ARHGEF38: variants seen among roughly 807,000 people sequenced by gnomAD.
ARHGEF38 encodes Rho guanine nucleotide exchange factor (GEF) 38.
A neutral mutation model predicts 79.9 loss-of-function variants in ARHGEF38; 79 were observed. The ratio of observed to expected loss-of-function variants is 0.99; its 90% CI spans 0.82 to 1.19. The LOEUF is 1.19. Among genes scored for constraint, ARHGEF38 ranks in the 50% most tolerant of loss-of-function variants. ARHGEF38 has a pLI of 0.00. For missense variants in ARHGEF38, 962 were observed against 907.2 expected, an observed-to-expected ratio of 1.06 and a Z score of -0.78; for synonymous variants, 366 against 328.3, an observed-to-expected ratio of 1.11 and a Z score of -1.24.
rs1340810311 is a variant in ARHGEF38, at chr4:105,648,789, G to C, written c.1008+107G>C. ...CTATTTCTAGAATACTGAGAATCAA[G>C]GTAATTGCCCTATGCTGTTCTCTTG... On this transcript the variant is annotated intron_variant, in intron 7 of 13. Coordinates refer to ENST00000420470, the MANE Select transcript of ARHGEF38 (RefSeq NM_001242729.2). 14 of 1,104,442 alleles carry C rather than the reference G, an allele frequency of 1.3e-5. No individual in the cohort carries two copies. In the South Asian group the frequency reaches 2.2e-4, roughly 17 times the overall value. The allele number at this position is 1,104,442 out of a possible 1,614,324, so 68.4% of individuals were successfully genotyped here. A position where few individuals can be genotyped will look rare whatever the true frequency, so the allele number is the denominator to read the frequency against.
chr4:105,667,461 T>TA lies in ARHGEF38; in HGVS notation c.1907dup (p.Tyr636Ter). Residue 636 changes from tyrosine (Y) to a stop codon, truncating the protein, a stop_gained and frameshift_variant, in exon 13 of 14, where the codon TAT (tyrosine) becomes TAAT (stop). Coordinates refer to ENST00000420470, the MANE Select transcript of ARHGEF38 (RefSeq NM_001242729.2). LOFTEE classifies it high-confidence loss of function. ...CTATCCAGATGTGAAAGGATATGTT[T>TA]ATTCCTCCTTCCTAAAACCCTACAA... ...VDTGNVKGYV[Y>*]SSFLKPYNPA... 1 of 1,536,228 alleles carries TA rather than the reference T, an allele frequency of 6.5e-7. No individual in the cohort carries two copies. The highest frequency in any genetic ancestry group is 8.7e-7 in the Non-Finnish European group (1 of 1,146,934).
At chr4:105,675,718 T>C (rs1037376132) in intron 13 of ARHGEF38, among the ~76,000 whole-genome samples, 1 of 152,200 alleles carries the variant, frequency 6.6e-6, no homozygotes, top group Non-Finnish European at 1.5e-5. Flanking sequence ...CTCACAGTTG[T>C]GGAGGCTGGA....
At chr4:105,655,794 T>G in intron 9 of ARHGEF38, 72 bp downstream of exon 9, 1 of 1,447,702 alleles carries the variant, frequency 6.9e-7, no homozygotes, top group Non-Finnish European at 9.2e-7. Flanking sequence ...TTTTTGTTTG[T>G]TTTTCTGGAG....
rs184006132 is a variant in ARHGEF38, at chr4:105,586,471, T to C, written c.197-2777T>C. ...TTCTCAACAAGTTGTTGAGCAGTAT[T>C]GGAAAACCTAAGCATTTTTTAATTG... On this transcript the variant is annotated intron_variant, in intron 1 of 13. Transcript: ENST00000420470. Among the ~76,000 whole-genome samples the C allele has an allele frequency of 5.5e-4, 83 of 152,292 alleles. No individual in the cohort carries two copies. The East Asian group carries it at 0.013, about 24-fold the overall frequency.
Position 105,680,404 on chromosome 4 carries a change from C to T in ARHGEF38, c.*2467C>T. ...TATTTATTGAGAGTTAGTGGGAATA[C>T]AATGCTGTGCAAGACAAACAAGATC... is the stretch of plus-strand genomic sequence containing the variant. On this transcript the variant is annotated 3_prime_UTR_variant, in exon 14 of 14. Transcript: ENST00000420470. 1.5e-5 allele frequency: 3 copies of T among 199,748 alleles called. No homozygotes were observed. In the South Asian group the frequency reaches 3.1e-4, roughly 21 times the overall value. The allele number at this position is 199,748 out of a possible 1,614,324, so 12.4% of individuals were successfully genotyped here.
chr4:105,595,212 C>G (rs1490587070), intron 2 of ARHGEF38, among the ~76,000 whole-genome samples: 1 of 152,128 alleles, frequency 6.6e-6, no homozygotes, highest in Non-Finnish European at 1.5e-5. Context: ...CATCTTTTTA[C>G]CCATCCAATG....
At chr4:105,635,803 TA>T (rs1464813719) in intron 4 of ARHGEF38, among the ~76,000 whole-genome samples, 1 of 152,046 alleles carries the variant, frequency 6.6e-6, no homozygotes, top group Non-Finnish European at 1.5e-5. Context: ...CTGCTGATTT[TA>T]AAAAAATTAT....
At chr4:105,620,499 C>T (rs1056436350) in intron 3 of ARHGEF38, among the ~76,000 whole-genome samples, 29 of 152,188 alleles carry the variant, frequency 1.9e-4, no homozygotes, top group Middle Eastern at 3.4e-3. Context: ...ATTATTATCC[C>T]AAGAATATTA....
intron 3 of ARHGEF38, among the ~76,000 whole-genome samples, chr4:105,623,877 C>T (rs1215096043): frequency 6.6e-6 from 1 of 152,134 alleles, no homozygotes; most frequent in Non-Finnish European, 1.5e-5. Flanking sequence ...CCCAGTTTGT[C>T]CTGCTCAGCT....
At chr4:105,637,914 T>C (rs2110528151) in intron 5 of ARHGEF38, among the ~76,000 whole-genome samples, 1 of 152,262 alleles carries the variant, frequency 6.6e-6, no homozygotes, top group African/African-American at 2.4e-5. Context: ...CTGCTCCCTC[T>C]AGACTATTCT....
intron 1 of ARHGEF38, among the ~76,000 whole-genome samples, chr4:105,562,177 A>G (rs1316298379): frequency 6.6e-6 from 1 of 152,162 alleles, no homozygotes; most frequent in Non-Finnish European, 1.5e-5. Context: ...TCAGTATCCC[A>G]AAGTGGCATA....
intron 7 of ARHGEF38, among the ~76,000 whole-genome samples, chr4:105,649,958 T>C (rs923210197): frequency 1.3e-5 from 2 of 152,226 alleles, no homozygotes; most frequent in Admixed American, 6.5e-5. Context: ...TTCAATGTAA[T>C]CATCTGTAAA....
In ARHGEF38 at chr4:105,626,122, A is replaced by G. The variant is rs574997358; in HGVS notation, c.509-4776A>G. On this transcript the variant is annotated intron_variant, in intron 3 of 13. Transcript: ENST00000420470. ...CTTAAATCCTAGATTAATATATCCA[A>G]TTTCCTAAAGGGCTTCACTGCTTGA... Among the ~76,000 whole-genome samples the G allele has an allele frequency of 3.3e-5, 5 of 152,338 alleles. No homozygotes were observed. In the South Asian group the frequency reaches 6.2e-4, roughly 19 times the overall value.
At chr4:105,662,120 C>T (rs1425146693) in intron 10 of ARHGEF38, among the ~76,000 whole-genome samples, 1 of 152,092 alleles carries the variant, frequency 6.6e-6, no homozygotes, top group Non-Finnish European at 1.5e-5. Flanking sequence ...TTTTGCCAAT[C>T]TAATAGGTTT....
chr4:105,676,906 A>G (rs893190325), intron 13 of ARHGEF38, among the ~76,000 whole-genome samples: 8 of 151,774 alleles, frequency 5.3e-5, no homozygotes, highest in Admixed American at 2.0e-4. Flanking sequence ...CTATTTTATC[A>G]TAAGTGTTTC....
At chr4:105,590,238 C>T (rs926668919) in intron 2 of ARHGEF38, among the ~76,000 whole-genome samples, 2 of 151,952 alleles carry the variant, frequency 1.3e-5, no homozygotes, top group Admixed American at 6.6e-5. Flanking sequence ...CAGTGGAGGA[C>T]ATTGAGCAGA....
chr4:105,561,123 C>G (rs1357772610), intron 1 of ARHGEF38, among the ~76,000 whole-genome samples: 1 of 152,084 alleles, frequency 6.6e-6, no homozygotes, highest in African/African-American at 2.4e-5. Context: ...TGTGGTGGCT[C>G]ATGCCTGTAA....
In ARHGEF38 at chr4:105,583,132, C is replaced by T. The variant is rs1160548520; in HGVS notation, c.197-6116C>T. Among the ~76,000 whole-genome samples, 5 of 152,196 alleles carry T rather than the reference C, an allele frequency of 3.3e-5. No individual in the cohort carries two copies. In the East Asian group the frequency reaches 9.7e-4, roughly 29 times the overall value. ...TCGACTGCCTTATATTTGTTTTTCT[C>T]TTTCGGTTTTCTCCTTTCTTCATTT... is the stretch of plus-strand genomic sequence containing the variant. On this transcript the variant is annotated intron_variant, in intron 1 of 13. Coordinates refer to ENST00000420470, the MANE Select transcript of ARHGEF38 (RefSeq NM_001242729.2).
At chr4:105,607,098 T>C (rs1189209383) in intron 2 of ARHGEF38, among the ~76,000 whole-genome samples, 2 of 152,080 alleles carry the variant, frequency 1.3e-5, no homozygotes, top group African/African-American at 2.4e-5. Context: ...TGTGATGGGG[T>C]TCAGGCCGAT....
Sources: gnomAD v4.1 joint callset for allele counts (sites outside exome capture counted in the v4.1 genomes callset) on GRCh38, gnomAD v4.1.1 for gene constraint, MANE v1.5 for transcripts, NCBI Gene and HGNC (gene_info 2026-07-23, HGNC 2026-07-21) for gene names.